Variants in CALU observed in about 807,000 individuals in gnomAD.
CALU encodes calumenin, also known as IEF SSP 9302.
A neutral mutation model predicts 37.5 loss-of-function variants in CALU; 13 were observed. That is an observed-to-expected ratio of 0.35 (90% CI 0.23 to 0.55). The LOEUF is 0.55. CALU is among the 20% of genes least tolerant of loss of function. The probability of loss-of-function intolerance (pLI) is 0.89; values close to 1 mark genes in which losing one functional copy is unlikely to be tolerated. For synonymous variants in CALU, 114 were observed against 133.8 expected, an observed-to-expected ratio of 0.85 and a Z score of 1.02; for missense variants, 282 against 391.7, an observed-to-expected ratio of 0.72 and a Z score of 2.36.
intron 1 of CALU, among the ~76,000 whole-genome samples, chr7:128,742,852 A>C (rs886368813): frequency 3.9e-5 from 6 of 152,212 alleles, no homozygotes; most frequent in African/African-American, 1.4e-4. Context: ...TATTGGTGAC[A>C]TACTAATACT....
intron 3 of CALU, among the ~76,000 whole-genome samples, chr7:128,757,890 C>G (rs912785454): frequency 6.1e-5 from 9 of 148,208 alleles, no homozygotes; most frequent in African/African-American, 2.2e-4. Flanking sequence ...GTTCCAAATT[C>G]AATTTGGTTG....
In CALU at chr7:128,770,132, A is replaced by T. The variant is rs2128884344; in HGVS notation, c.*965A>T. On this transcript the variant is annotated 3_prime_UTR_variant, in exon 7 of 7. Transcript: ENST00000249364. Reference sequence around the variant, plus strand: ...AATTAAAATTCACTCCTTTCCAATCATGTCATTGAAAGTGCCTTTAACGAA... The same window carrying T: ...AATTAAAATTCACTCCTTTCCAATCTTGTCATTGAAAGTGCCTTTAACGAA... The T allele has an allele frequency of 6.5e-6, 1 of 152,684 alleles. No individual in the cohort carries two copies. The highest frequency in any genetic ancestry group is 1.9e-4 in the East Asian group (1 of 5,186). 9.5% of individuals were successfully genotyped at this position (152,684 alleles called of 1,614,324 possible).
chr7:128,741,553 A>G (rs1402539908), intron 1 of CALU, among the ~76,000 whole-genome samples: 2 of 152,208 alleles, frequency 1.3e-5, no homozygotes, highest in Non-Finnish European at 2.9e-5. Context: ...AGATTGGATC[A>G]TACCCTTTTT....
intron 2 of CALU, among the ~76,000 whole-genome samples, chr7:128,750,762 G>A (rs1349493872): frequency 6.6e-6 from 1 of 152,070 alleles, no homozygotes; most frequent in African/African-American, 2.4e-5. Context: ...TTTTCCATCT[G>A]TCTATATGGC....
chr7:128,750,220 C>CAAA (rs398006225), intron 2 of CALU, among the ~76,000 whole-genome samples: 1 of 75,088 alleles, frequency 1.3e-5, no homozygotes, highest in African/African-American at 4.9e-5. Flanking sequence ...AGAGCCATCT[C>CAAA]AAAAAAAAAA....
At position 128,772,649 on chromosome 7, in the gene CALU, C is replaced by A; in HGVS notation, c.*3482C>A. 1 of 1,614,082 alleles carries A rather than the reference C, an allele frequency of 6.2e-7. No individual in the cohort carries two copies. The highest frequency in any genetic ancestry group is 8.5e-7 in the Non-Finnish European group (1 of 1,179,966). ...CTTCCCACACACCATCTTCATGATG[C>A]AAGCTTGGAACTGGAGAGAAAGGTA... On this transcript the variant is annotated 3_prime_UTR_variant, in exon 7 of 7. Transcript: ENST00000249364.
chr7:128,745,197 T>G (rs540185956), intron 1 of CALU, among the ~76,000 whole-genome samples: 2 of 152,248 alleles, frequency 1.3e-5, no homozygotes, highest in Non-Finnish European at 2.9e-5. Flanking sequence ...AATCCTTTGT[T>G]GCAGTGACTC....
At chr7:128,745,276 CA>C in intron 1 of CALU, among the ~76,000 whole-genome samples, 1 of 152,280 alleles carries the variant, frequency 6.6e-6, no homozygotes, top group East Asian at 1.9e-4. Context: ...AAAACATCAA[CA>C]ACATATAATT....
Position 128,752,150 on chromosome 7 carries a change from T to TAC in CALU, c.222-2097_222-2096dup, listed in dbSNP as rs755223662. ...TTTCAGAGGCTTGTTAAAAAAAAAATACACACACACACACACCATACCATA... is the reference window on the plus strand; with the variant it reads ...TTTCAGAGGCTTGTTAAAAAAAAAATACACACACACACACACACCATACCATA... On this transcript the variant is annotated intron_variant, in intron 2 of 6. Coordinates refer to ENST00000249364, the MANE Select transcript of CALU (RefSeq NM_001219.5). 1.1e-3 allele frequency among the ~76,000 whole-genome samples: 165 copies of TAC among 151,114 alleles called. 1 individual carries two copies. Among genetic ancestry groups the TAC allele is most frequent in the East Asian group, 3.3e-3 (17 of 5,158 alleles).
chr7:128,758,873 G>T lies in CALU; in HGVS notation c.418G>T (p.Asp140Tyr). 6.2e-7 allele frequency: 1 copy of T among 1,604,254 alleles called. No homozygotes were observed. Among genetic ancestry groups the T allele is most frequent in the Admixed American group, 1.7e-5 (1 of 58,032 alleles). Residue 140 changes from aspartate (D) to tyrosine (Y), a missense_variant and splice_region_variant, in exon 4 of 7, where the codon GAT becomes TAT. Transcript: ENST00000249364. ...KNATYGYVLD[D>Y]PDPDDGFNYK... ...TGACCTAAATTTTTGTTTTCTAGAT[G>T]ATCCAGATCCTGATGATGGATTTAA...
intron 3 of CALU, among the ~76,000 whole-genome samples, chr7:128,758,446 C>G (rs1170724188): frequency 1.3e-5 from 2 of 152,166 alleles, no homozygotes; most frequent in Admixed American, 6.5e-5. Context: ...TACAACAATC[C>G]TATGAAGCCG....
chr7:128,759,092 T>G (rs996522475), intron 4 of CALU, 55 bp downstream of exon 4: 4 of 1,417,392 alleles, frequency 2.8e-6, no homozygotes, highest in Non-Finnish European at 3.9e-6. Context: ...TTGTGGCTTA[T>G]TCTGTCTTTC....
At chr7:128,764,914 TTTC>T (rs539121202) in intron 5 of CALU, among the ~76,000 whole-genome samples, 102 of 152,108 alleles carry the variant, frequency 6.7e-4, no homozygotes, top group Admixed American at 4.2e-3. Flanking sequence ...ACGCATCCTG[TTTC>T]TTCTTCTTCT....
chr7:128,772,683 G>T lies in CALU; in HGVS notation c.*3516G>T. On this transcript the variant is annotated 3_prime_UTR_variant, in exon 7 of 7. Transcript: ENST00000249364. ...AACTGGAGAGAAAGGTACAATTGGA[G>T]ATAACCTTGGCAGATGAGGAAGTAT... is the stretch of plus-strand genomic sequence containing the variant. 1 of 1,613,978 alleles carries T rather than the reference G, an allele frequency of 6.2e-7. No homozygotes were observed. The highest frequency in any genetic ancestry group is 8.5e-7 in the Non-Finnish European group (1 of 1,179,862).
rs567648628 is a variant in CALU, at chr7:128,772,329, T to C, written c.*3162T>C. Among the ~76,000 whole-genome samples the C allele has an allele frequency of 6.6e-6, 1 of 152,232 alleles. No homozygotes were observed. Among genetic ancestry groups the C allele is most frequent in the South Asian group, 2.1e-4 (1 of 4,828 alleles). ...AAACTGATGATTGTTGAAATGGCCT[T>C]TGGGTGGTCTGAAATAGACCAGTGG... On this transcript the variant is annotated 3_prime_UTR_variant, in exon 7 of 7. Coordinates refer to ENST00000249364, the MANE Select transcript of CALU (RefSeq NM_001219.5).
At chr7:128,767,115 C>T (rs17475638) in intron 5 of CALU, among the ~76,000 whole-genome samples, 4 of 151,966 alleles carry the variant, frequency 2.6e-5, no homozygotes, top group Non-Finnish European at 4.4e-5. Context: ...CAAGTGGTCC[C>T]GTTTAATTAG....
rs930199885 is a variant in CALU, at chr7:128,771,900, G to C, written c.*2733G>C. ...AACTATTAACTTTAGTAAACACACA[G>C]TTTAAGACAAATATAAAGGTTTAGC... On this transcript the variant is annotated 3_prime_UTR_variant, in exon 7 of 7. Transcript: ENST00000249364. 18 of 153,306 alleles carry C rather than the reference G, an allele frequency of 1.2e-4. No homozygotes were observed. Among genetic ancestry groups the C allele is most frequent in the African/African-American group, 4.1e-4 (17 of 41,456 alleles). 9.5% of individuals were successfully genotyped at this position (153,306 alleles called of 1,614,324 possible). A position where few individuals can be genotyped will look rare whatever the true frequency, so the allele number is the denominator to read the frequency against.
At chr7:128,743,908 A>G (rs766562434) in intron 1 of CALU, among the ~76,000 whole-genome samples, 15 of 152,210 alleles carry the variant, frequency 9.9e-5, no homozygotes, top group Non-Finnish European at 2.2e-4. Context: ...AAGATGCTTC[A>G]GAAATGAAGT....
At position 128,764,062 on chromosome 7, in the gene CALU, C is replaced by G. The variant is rs1801227957; in HGVS notation, c.644-3394C>G. Among the ~76,000 whole-genome samples, 6 of 152,160 alleles carry G rather than the reference C, an allele frequency of 3.9e-5. No homozygotes were observed. The South Asian group carries it at 1.2e-3, about 32-fold the overall frequency. ...ATAACTCCTGAAAGAATTTGACCAA[C>G]AGCATTCCCTTATGTGTTTTAAAGT... is the stretch of plus-strand genomic sequence containing the variant. On this transcript the variant is annotated intron_variant, in intron 5 of 6. Coordinates refer to ENST00000249364, the MANE Select transcript of CALU (RefSeq NM_001219.5).
Sources: allele counts gnomAD v4.1 joint callset (sites outside exome capture counted in the v4.1 genomes callset), GRCh38; gene constraint gnomAD v4.1.1; transcripts MANE v1.5; gene names NCBI Gene and HGNC (gene_info 2026-07-23, HGNC 2026-07-21).